Variants in PLB1 observed in about 807,000 individuals in gnomAD.
PLB1 encodes phospholipase B1.
In PLB1, 242 loss-of-function variants were observed where a neutral mutation model predicts 227.4. The ratio of observed to expected loss-of-function variants is 1.06; its 90% CI spans 0.96 to 1.18. The LOEUF (loss-of-function observed/expected upper bound fraction) is 1.18. Among genes scored for constraint, PLB1 ranks in the 50% most tolerant of loss-of-function variants. The pLI is 0.00. For synonymous variants in PLB1, 757 were observed against 682.2 expected (o/e 1.11, Z -1.71); for missense variants, 1,858 against 1,816.3 (o/e 1.02, Z -0.42).
intron 4 of PLB1, among the ~76,000 whole-genome samples, chr2:28,524,143 G>A (rs962803614): frequency 2.6e-5 from 4 of 152,140 alleles, no homozygotes; most frequent in African/African-American, 9.7e-5. Flanking sequence ...AGGACAGATG[G>A]GCCCTTTAAA....
At chr2:28,601,876 T>C in intron 37 of PLB1, 23 bp from the exon 38 acceptor site, 3 of 1,581,844 alleles carry the variant, frequency 1.9e-6, no homozygotes, top group Non-Finnish European at 2.6e-6. Flanking sequence ...TTCCTCCTTT[T>C]CCTCCTTCCT....
At chr2:28,529,842 C>A in intron 8 of PLB1, 63 bp downstream of exon 8, 1 of 1,518,954 alleles carries the variant, frequency 6.6e-7, no homozygotes, top group South Asian at 1.1e-5. Flanking sequence ...GCGGGCAGAC[C>A]GAAGTGATGA....
intron 9 of PLB1, among the ~76,000 whole-genome samples, chr2:28,535,723 C>A (rs1671594040): frequency 6.6e-6 from 1 of 152,096 alleles, no homozygotes; most frequent in African/African-American, 2.4e-5. Context: ...GAGTTCAAGA[C>A]CAGCCTGGCC....
chr2:28,632,213 T>G, intron 55 of PLB1, 73 bp downstream of exon 55: 1 of 1,241,316 alleles, frequency 8.1e-7, no homozygotes, highest in Non-Finnish European at 1.1e-6. Flanking sequence ...TTTCCTTCTC[T>G]AAGTGGGCTT....
rs547070824 is a variant in PLB1 at position 28,636,322 on chromosome 2, C to T, written c.4098+3283C>T. 1.7e-4 allele frequency among the ~76,000 whole-genome samples: 26 copies of T among 152,270 alleles called. No individual in the cohort carries two copies. The South Asian group carries it at 5.4e-3, about 32-fold the overall frequency. ...CAGGAGATCCACCCACCTCGGCCTC[C>T]CAAAGTGCTGGGATTATAGGTGTGA... On this transcript the variant is annotated intron_variant, in intron 56 of 57. Coordinates refer to ENST00000327757, the MANE Select transcript of PLB1 (RefSeq NM_153021.5).
intron 10 of PLB1, among the ~76,000 whole-genome samples, chr2:28,538,887 CAG>C (rs772059678): frequency 3.9e-5 from 6 of 152,132 alleles, no homozygotes; most frequent in African/African-American, 1.2e-4. Flanking sequence ...CCGTGAGGGA[CAG>C]AGAGTCCTGT....
intron 54 of PLB1, among the ~76,000 whole-genome samples, chr2:28,631,095 T>C (rs34056910): frequency 0.33 from 49,088 of 151,038 alleles, 8,050 homozygotes; most frequent in Middle Eastern, 0.35. Flanking sequence ...TGGAGGCTGC[T>C]GTTAGCTATG....
intron 14 of PLB1, among the ~76,000 whole-genome samples, chr2:28,547,032 C>T (rs1673370603): frequency 6.6e-6 from 1 of 151,820 alleles, no homozygotes; most frequent in Admixed American, 6.6e-5. Context: ...AAAACCCTGC[C>T]TCTACTACAA....
chr2:28,560,875 C>G (rs554063844), intron 17 of PLB1, among the ~76,000 whole-genome samples: 1 of 152,158 alleles, frequency 6.6e-6, no homozygotes, highest in African/African-American at 2.4e-5. Context: ...TCTCTTTGCT[C>G]TCTCATATAT....
rs199796457 is a variant in PLB1, at chr2:28,532,212, G to A, written c.555+18G>A. On this transcript the variant is annotated intron_variant, in intron 9 of 57. Coordinates refer to ENST00000327757, the MANE Select transcript of PLB1 (RefSeq NM_153021.5). The stretch of plus-strand genomic sequence containing the variant: ...CTCAACAGGTAAATGGCAGCCTTGG[G>A]GACCAAGGGATTACAGATGCTGGGG... 1 of 1,584,842 alleles carries A rather than the reference G, an allele frequency of 6.3e-7. No homozygotes were observed. The highest frequency in any genetic ancestry group is 1.1e-5 in the South Asian group (1 of 89,280).
At position 28,591,166 on chromosome 2, in the gene PLB1, A is replaced by C; in HGVS notation, c.2122A>C (p.Met708Leu). The C allele has an allele frequency of 6.2e-7, 1 of 1,614,032 alleles. No individual in the cohort carries two copies. Among genetic ancestry groups the C allele is most frequent in the African/African-American group, 1.3e-5 (1 of 74,988 alleles). Reference protein sequence around the residue: ...QPFLRTYKNSMQGHGTWLPCR... With the variant: ...QPFLRTYKNSLQGHGTWLPCR... ...GTTTCTGAGGACCTACAAGAACAGC[A>C]TGCAGGTACCTGCCTCTTGCCTCCT... The change falls in exon 30 of 58, where the codon ATG (methionine) becomes CTG (leucine). Residue 708 changes from methionine to leucine, a missense_variant. Physicochemically the swap from Met to Leu is conservative, Grantham distance 15. Transcript: ENST00000327757.
chr2:28,504,884 T>C (rs1470708351), intron 1 of PLB1, among the ~76,000 whole-genome samples: 1 of 152,252 alleles, frequency 6.6e-6, no homozygotes, highest in Non-Finnish European at 1.5e-5. Context: ...TTTCTTTATG[T>C]ACTATACCTG....
chr2:28,626,508 G>C lies in PLB1; in HGVS notation c.3660G>C (p.Pro1220=). 1.9e-6 allele frequency: 3 copies of C among 1,613,732 alleles called. No homozygotes were observed. The highest frequency in any genetic ancestry group is 1.1e-5 in the South Asian group (1 of 91,064). The part of the protein sequence containing the change: ...VNDLCHYCEN[P]EAHLATEYVQ... The stretch of plus-strand genomic sequence containing the variant: ...ACTTGTGTCATTACTGTGAGAATCC[G>C]GTAGGCCCCCGACCAACCCCATGGG... The change falls in exon 51 of 58, where the codon CCG becomes CCC. Residue 1220 remains proline, a splice_region_variant and synonymous_variant. Transcript: ENST00000327757.
Position 28,640,506 on chromosome 2 carries a change from A to G in PLB1, c.4099-421A>G, listed in dbSNP as rs940849014. On this transcript the variant is annotated intron_variant, in intron 56 of 57. Transcript: ENST00000327757. The stretch of plus-strand genomic sequence containing the variant: ...AACTTTCCTAAGGTTGACTAGCCCC[A>G]TGCACTTTGAGAAGTTGGTAAATAG... 2.6e-5 allele frequency among the ~76,000 whole-genome samples: 4 copies of G among 152,218 alleles called. No individual in the cohort carries two copies. In the South Asian group the frequency reaches 8.3e-4, roughly 32 times the overall value.
chr2:28,547,372 G>A (rs1023621690), intron 14 of PLB1, among the ~76,000 whole-genome samples: 3 of 152,124 alleles, frequency 2.0e-5, no homozygotes, highest in Non-Finnish European at 4.4e-5. Flanking sequence ...ACAGAAAGAA[G>A]CGTGGAGTCC....
intron 6 of PLB1, among the ~76,000 whole-genome samples, chr2:28,527,544 A>C (rs996189415): frequency 6.6e-6 from 1 of 152,178 alleles, no homozygotes; most frequent in East Asian, 1.9e-4. Context: ...GATCTTTGAG[A>C]TCTCCAAACG....
intron 1 of PLB1, among the ~76,000 whole-genome samples, chr2:28,512,361 A>G (rs1324041355): frequency 2.6e-5 from 4 of 152,078 alleles, no homozygotes; most frequent in Non-Finnish European, 5.9e-5. Flanking sequence ...CATTGTCTTC[A>G]TGGCTGTATT....
At chr2:28,547,657 T>C (rs1178080181) in intron 14 of PLB1, among the ~76,000 whole-genome samples, 1 of 152,012 alleles carries the variant, frequency 6.6e-6, no homozygotes, top group African/African-American at 2.4e-5. Flanking sequence ...GGCAGAGTCA[T>C]TGGAAGGGGA....
At chr2:28,558,119 T>C (rs750841193) in intron 17 of PLB1, among the ~76,000 whole-genome samples, 2 of 150,836 alleles carry the variant, frequency 1.3e-5, no homozygotes, top group Non-Finnish European at 3.0e-5. Context: ...CATATGTATG[T>C]ACACACAGAC....
Sources: allele counts gnomAD v4.1 joint callset (sites outside exome capture counted in the v4.1 genomes callset), GRCh38; gene constraint gnomAD v4.1.1; transcripts MANE v1.5; gene names NCBI Gene and HGNC (gene_info 2026-07-23, HGNC 2026-07-21).